The following ADK variants were observed in gnomAD, a reference collection of about 807,000 sequenced individuals.
ADK encodes the protein adenosine kinase.
ADK carries 24 observed loss-of-function variants against 44.7 expected under a neutral mutation model. That is an observed-to-expected ratio of 0.54 (90% CI 0.39 to 0.76). The LOEUF (loss-of-function observed/expected upper bound fraction) is 0.76. Ranked by LOEUF, ADK falls within the 30% of genes least tolerant of loss-of-function variation. ADK has a pLI of 0.00. For missense variants in ADK, 321 were observed against 425.1 expected (o/e 0.76, Z 2.15); for synonymous variants, 128 against 142.6 (o/e 0.90, Z 0.73).
chr10:74,280,415 A>AACAC (rs71021599), intron 3 of ADK, among the ~76,000 whole-genome samples: 8,177 of 144,262 alleles, frequency 0.057, 302 homozygotes, highest in African/African-American at 0.094. Context: ...AACAAGTTTA[A>AACAC]ACACACACAC....
chr10:74,423,039 T>C (rs1844621848), intron 6 of ADK, among the ~76,000 whole-genome samples: 1 of 152,128 alleles, frequency 6.6e-6, no homozygotes, highest in Non-Finnish European at 1.5e-5. Context: ...GTAGATGCTC[T>C]TGCTGAGTCT....
rs146918473 is a variant in ADK, at chr10:74,493,652, C to A, written c.556-31604C>A. Among the ~76,000 whole-genome samples, 289 of 151,974 alleles carry A rather than the reference C, an allele frequency of 1.9e-3. 3 individuals are homozygous for A. The highest frequency in any genetic ancestry group is 1.3e-3 in the Non-Finnish European group (89 of 67,966). On this transcript the variant is annotated intron_variant, in intron 6 of 10. Coordinates refer to ENST00000539909, the MANE Select transcript of ADK (RefSeq NM_006721.4). ...ACCCACCTCAGCCTCCCAAATAATA[C>A]ATTGATTTGGGACAATTCTTAGCAC...
intron 4 of ADK, chr10:74,371,566 AG>A: frequency 8.3e-7 from 1 of 1,198,398 alleles, no homozygotes; most frequent in Non-Finnish European, 1.2e-6. Flanking sequence ...CTGCAAATGA[AG>A]GAGGAGGATG....
At chr10:74,575,712 A>G (rs988130424) in intron 7 of ADK, among the ~76,000 whole-genome samples, 1 of 152,172 alleles carries the variant, frequency 6.6e-6, no homozygotes, top group Non-Finnish European at 1.5e-5. Flanking sequence ...TGAAAGTCAG[A>G]CTGTGGAACT....
rs1205137435 is a variant in ADK at position 74,450,577 on chromosome 10, A to T, written c.555+51998A>T. On this transcript the variant is annotated intron_variant, in intron 6 of 10. Coordinates refer to ENST00000539909, the MANE Select transcript of ADK (RefSeq NM_006721.4). ...CTCTGAGAATAATAAGAAAACCAGA[A>T]TATTTGAAATACATCATTTAATTGA... Among the ~76,000 whole-genome samples, 5 of 152,220 alleles carry T rather than the reference A, an allele frequency of 3.3e-5. No homozygotes were observed. In the East Asian group the frequency reaches 9.6e-4, roughly 29 times the overall value.
chr10:74,345,116 T>C (rs558186419), intron 4 of ADK, among the ~76,000 whole-genome samples: 1 of 152,376 alleles, frequency 6.6e-6, no homozygotes, highest in South Asian at 2.1e-4. Flanking sequence ...TCTTGATTAC[T>C]AATTTAATCT....
rs190672843 is a variant in ADK, at chr10:74,173,293, C to T, written c.65+21950C>T. Among the ~76,000 whole-genome samples, 632 of 151,530 alleles carry T rather than the reference C, an allele frequency of 4.2e-3. 5 individuals carry two copies. Among genetic ancestry groups the T allele is most frequent in the African/African-American group, 0.015 (615 of 41,352 alleles). On this transcript the variant is annotated intron_variant, in intron 1 of 10. Transcript: ENST00000539909. ...AATTTTTAGTAGAGATGGGGTTTCA[C>T]TGTGTTAGCCAGGATGGTCTCGATC...
In ADK at chr10:74,369,621, G is replaced by A. The variant is rs538062992; in HGVS notation, c.274-24520G>A. On this transcript the variant is annotated intron_variant, in intron 4 of 10. Transcript: ENST00000539909. ...CCTCATAAAATCACTCCTGAAACTG[G>A]TGATAGAGAGGAACTTCCTCAACCT... Among the ~76,000 whole-genome samples the A allele has an allele frequency of 2.6e-5, 4 of 152,218 alleles. No individual in the cohort carries two copies. The South Asian group carries it at 8.3e-4, about 32-fold the overall frequency.
chr10:74,181,332 G>A (rs1047698587), intron 1 of ADK, among the ~76,000 whole-genome samples: 6 of 151,810 alleles, frequency 4.0e-5, no homozygotes, highest in African/African-American at 1.5e-4. Context: ...AATTTGGCTG[G>A]AGTTAGTATT....
At chr10:74,387,292 C>A (rs1015788152) in intron 4 of ADK, among the ~76,000 whole-genome samples, 1 of 152,056 alleles carries the variant, frequency 6.6e-6, no homozygotes, top group East Asian at 1.9e-4. Flanking sequence ...TTATACTGTG[C>A]GAAACTGAAT....
At chr10:74,388,057 C>T (rs1031980087) in intron 4 of ADK, among the ~76,000 whole-genome samples, 3 of 151,986 alleles carry the variant, frequency 2.0e-5, no homozygotes, top group South Asian at 2.1e-4. Context: ...TACAGGCATG[C>T]GCCACTATGC....
At chr10:74,610,842 GT>G (rs1282722883) in intron 9 of ADK, among the ~76,000 whole-genome samples, 1 of 151,920 alleles carries the variant, frequency 6.6e-6, no homozygotes, top group Non-Finnish European at 1.5e-5. Context: ...AAGCATGGTA[GT>G]AAAAAAGTAA....
At chr10:74,250,979 C>A (rs1328890901) in intron 3 of ADK, among the ~76,000 whole-genome samples, 1 of 152,030 alleles carries the variant, frequency 6.6e-6, no homozygotes, top group Non-Finnish European at 1.5e-5. Flanking sequence ...TGAGCTCAAG[C>A]GATTCTTCCA....
intron 6 of ADK, among the ~76,000 whole-genome samples, chr10:74,479,425 C>G (rs1232884918): frequency 6.7e-6 from 1 of 148,272 alleles, no homozygotes; most frequent in African/African-American, 2.5e-5. Context: ...TTTTTTCTCC[C>G]TACCCCTCTC....
intron 4 of ADK, among the ~76,000 whole-genome samples, chr10:74,367,025 C>G (rs1035163774): frequency 1.3e-5 from 2 of 152,188 alleles, no homozygotes; most frequent in Non-Finnish European, 2.9e-5. Context: ...AAGAAGCGCT[C>G]TAAATTAGTT....
intron 6 of ADK, among the ~76,000 whole-genome samples, chr10:74,472,263 CT>C (rs1375143647): frequency 6.6e-6 from 1 of 152,140 alleles, no homozygotes; most frequent in Non-Finnish European, 1.5e-5. Context: ...GGAAAGCTTT[CT>C]GTTTTTTACC....
At chr10:74,707,763 C>CAAAAAA (rs565886417) in intron 10 of ADK, among the ~76,000 whole-genome samples, 1 of 104,044 alleles carries the variant, frequency 9.6e-6, no homozygotes, top group Non-Finnish European at 1.8e-5. Flanking sequence ...AACTCCACCT[C>CAAAAAA]AAAAAAAAAA....
At chr10:74,176,815 C>A (rs898387834) in intron 1 of ADK, 39 of 1,602,328 alleles carry the variant, frequency 2.4e-5, no homozygotes, top group Non-Finnish European at 3.3e-5. Context: ...TGCTGCTGCC[C>A]GAGCGGACGT....
chr10:74,369,690 C>G (rs975572668), intron 4 of ADK, among the ~76,000 whole-genome samples: 7 of 151,670 alleles, frequency 4.6e-5, no homozygotes, highest in African/African-American at 1.7e-4. Flanking sequence ...ATTATATTTA[C>G]TGGTGAATGT....
Sources: gnomAD v4.1 joint callset for allele counts (sites outside exome capture counted in the v4.1 genomes callset) on GRCh38, gnomAD v4.1.1 for gene constraint, MANE v1.5 for transcripts, NCBI Gene and HGNC (gene_info 2026-07-23, HGNC 2026-07-21) for gene names.